VPS53: variants seen among roughly 807,000 people sequenced by gnomAD.
VPS53 encodes the protein vacuolar protein sorting-associated protein 53 homolog.
In VPS53, 70 loss-of-function variants were observed where a neutral mutation model predicts 107.0. That is an observed-to-expected ratio of 0.65 (90% CI 0.54 to 0.80). The LOEUF (loss-of-function observed/expected upper bound fraction) is 0.80, where lower values mean the gene tolerates loss of function less well. VPS53 is among the 30% of genes least tolerant of loss of function. The pLI is 0.00. For missense variants in VPS53, 917 were observed against 1,049.4 expected, an observed-to-expected ratio of 0.87 and a Z score of 1.74; for synonymous variants, 409 against 393.3, an observed-to-expected ratio of 1.04 and a Z score of -0.47.
intron 12 of VPS53, among the ~76,000 whole-genome samples, chr17:595,624 C>G (rs1428345204): frequency 5.1e-5 from 4 of 78,444 alleles, no homozygotes; most frequent in Admixed American, 3.5e-4. Context: ...CTGGAGGAAG[C>G]TGGGAGATGG....
At chr17:636,623 T>TGA (rs1970207976) in intron 7 of VPS53, among the ~76,000 whole-genome samples, 1 of 152,228 alleles carries the variant, frequency 6.6e-6, no homozygotes, top group Non-Finnish European at 1.5e-5. Context: ...GTTTTTAGCA[T>TGA]GAAGGGCTGT....
At chr17:678,499 C>T (rs1972252848) in intron 4 of VPS53, among the ~76,000 whole-genome samples, 2 of 151,952 alleles carry the variant, frequency 1.3e-5, no homozygotes, top group East Asian at 3.9e-4. Context: ...CAGAGTCTCG[C>T]TCTGTCGCCT....
chr17:563,296 T>C (rs1913193826), intron 13 of VPS53, among the ~76,000 whole-genome samples: 1 of 96,576 alleles, frequency 1.0e-5, no homozygotes, highest in Non-Finnish European at 2.7e-5. Flanking sequence ...CCTTTTTTTT[T>C]TTTTTTTTTT....
intron 4 of VPS53, among the ~76,000 whole-genome samples, chr17:676,627 G>A (rs374989168): frequency 4.6e-5 from 7 of 152,164 alleles, no homozygotes; most frequent in African/African-American, 1.2e-4. Flanking sequence ...CCTGAAGACT[G>A]CCAGTTTATA....
At chr17:658,196 G>C (rs1418674518) in intron 5 of VPS53, among the ~76,000 whole-genome samples, 1 of 143,886 alleles carries the variant, frequency 6.9e-6, no homozygotes, top group African/African-American at 2.5e-5. Context: ...TCAGCAGGGA[G>C]TTCGTGGATA....
intron 19 of VPS53, among the ~76,000 whole-genome samples, chr17:529,848 G>A (rs1909397698): frequency 6.7e-6 from 1 of 150,276 alleles, no homozygotes; most frequent in African/African-American, 2.5e-5. Flanking sequence ...GGAGACACAG[G>A]GAGGCAGACC....
At chr17:585,633 C>T (rs77293448) in intron 13 of VPS53, among the ~76,000 whole-genome samples, 14,903 of 151,894 alleles carry the variant, frequency 0.098, 834 homozygotes, top group East Asian at 0.21. Context: ...CAGCGTGAGA[C>T]TCTGTCTCAA....
intron 15 of VPS53, among the ~76,000 whole-genome samples, chr17:556,904 C>G (rs1912444940): frequency 6.6e-6 from 1 of 150,376 alleles, no homozygotes; most frequent in African/African-American, 2.5e-5. Context: ...CCAGGAGGGC[C>G]TCTCTGCTGA....
intron 10 of VPS53, among the ~76,000 whole-genome samples, chr17:624,174 T>C (rs1969590411): frequency 6.6e-6 from 1 of 152,150 alleles, no homozygotes; most frequent in African/African-American, 2.4e-5. Flanking sequence ...AGTTACTACG[T>C]TGCCTGTATC....
intron 19 of VPS53, among the ~76,000 whole-genome samples, chr17:529,221 G>C (rs1270576153): frequency 2.6e-5 from 4 of 152,152 alleles, no homozygotes; most frequent in Non-Finnish European, 5.9e-5. Context: ...GATCTGTTCT[G>C]TTGGCCTCTT....
intron 12 of VPS53, among the ~76,000 whole-genome samples, chr17:589,920 A>G (rs1328103359): frequency 6.6e-6 from 1 of 152,016 alleles, no homozygotes; most frequent in Middle Eastern, 3.2e-3. Flanking sequence ...GAAGAAAGTC[A>G]TTGGTAGCTT....
chr17:552,099 C>G, intron 16 of VPS53, 149 bp from the exon 17 acceptor site: 1 of 676,120 alleles, frequency 1.5e-6, no homozygotes, highest in South Asian at 1.9e-5. Flanking sequence ...CAGCTTGGCT[C>G]TTTCTTCATG....
chr17:595,933 T>C (rs986599721), intron 12 of VPS53, among the ~76,000 whole-genome samples: 1 of 138,690 alleles, frequency 7.2e-6, no homozygotes, highest in African/African-American at 2.9e-5. Context: ...GGGGTCTGGA[T>C]CAATTTCCTC....
chr17:533,083 G>A, intron 18 of VPS53, 172 bp from the exon 19 acceptor site: 3 of 1,253,722 alleles, frequency 2.4e-6, no homozygotes, highest in Non-Finnish European at 3.2e-6. Flanking sequence ...TCCTGGTTTT[G>A]TTTAGTTACA....
intron 15 of VPS53, among the ~76,000 whole-genome samples, chr17:553,796 C>T (rs1487595314): frequency 6.6e-6 from 1 of 152,088 alleles, no homozygotes; most frequent in African/African-American, 2.4e-5. Flanking sequence ...TCTCAAACTC[C>T]CAACCTCAGG....
intron 2 of VPS53, 74 bp downstream of exon 2, chr17:710,459 T>C (rs1973595219): frequency 1.7e-6 from 2 of 1,156,924 alleles, no homozygotes; most frequent in Admixed American, 1.8e-5. Context: ...GATGATCTAG[T>C]GTAACACACG....
intron 4 of VPS53, among the ~76,000 whole-genome samples, chr17:692,362 A>G (rs1972805319): frequency 6.6e-6 from 1 of 152,214 alleles, no homozygotes; most frequent in South Asian, 2.1e-4. Context: ...TGATTTCAAC[A>G]GATAAAAATG....
rs1241817823 is a variant in VPS53, at chr17:627,329, G to A, written c.832-13C>T. 1.2e-6 allele frequency: 2 copies of A among 1,610,584 alleles called. No homozygotes were observed. The highest frequency in any genetic ancestry group is 2.2e-5 in the South Asian group (2 of 90,432). On this transcript the variant is annotated splice_polypyrimidine_tract_variant and intron_variant, in intron 9 of 21. Transcript: ENST00000437048. Reference sequence around the variant, plus strand: ...CCAGCCAGGCAACCTGGTGAAGGTGGAGATCAAAAGCCACCCCAGTGGTTA... The same window carrying A: ...CCAGCCAGGCAACCTGGTGAAGGTGAAGATCAAAAGCCACCCCAGTGGTTA...
intron 13 of VPS53, among the ~76,000 whole-genome samples, chr17:567,386 CAT>C (rs1357714131): frequency 3.3e-5 from 5 of 152,092 alleles, no homozygotes; most frequent in Admixed American, 3.3e-4. Context: ...TTTGATGCCA[CAT>C]GAGACATTAG....
Sources: gnomAD v4.1 joint callset for allele counts (sites outside exome capture counted in the v4.1 genomes callset) on GRCh38, gnomAD v4.1.1 for gene constraint, MANE v1.5 for transcripts, NCBI Gene and HGNC (gene_info 2026-07-23, HGNC 2026-07-21) for gene names.